The following VSTM5 variants were observed in gnomAD, a reference collection of about 807,000 sequenced individuals.
The protein encoded by VSTM5 is V-set and transmembrane domain containing 5, also known as V-set and transmembrane domain-containing protein 5.
A neutral mutation model predicts 20.3 loss-of-function variants in VSTM5; 21 were observed. The ratio of observed to expected loss-of-function variants is 1.03; its 90% CI spans 0.73 to 1.49. The LOEUF is 1.49. Among genes scored for constraint, VSTM5 ranks in the 40% most tolerant of loss-of-function variants. The pLI is 0.00. For synonymous variants in VSTM5, 100 were observed against 102.5 expected (o/e 0.98, Z 0.14); for missense variants, 219 against 250.0 (o/e 0.88, Z 0.84).
Position 93,818,532 on chromosome 11 carries a change from G to GT in VSTM5, c.*2036_*2037insA, listed in dbSNP as rs767390634. On this transcript the variant is annotated 3_prime_UTR_variant, in exon 4 of 4. Transcript: ENST00000409977. ...TGTGAATAAACTGTCATGAGATTTG[G>GT]GCGGGGGGGCAATTTAATTGACATC... 5 of 143,846 alleles carry GT rather than the reference G, an allele frequency of 3.5e-5. No homozygotes were observed. The highest frequency in any genetic ancestry group is 7.0e-5 in the Admixed American group (1 of 14,344). 8.9% of individuals were successfully genotyped at this position (143,846 alleles called of 1,614,324 possible). A position where few individuals can be genotyped will look rare whatever the true frequency, so the allele number is the denominator to read the frequency against.
chr11:93,844,816 C>A (rs547390783), intron 1 of VSTM5, among the ~76,000 whole-genome samples: 33 of 152,340 alleles, frequency 2.2e-4, no homozygotes, highest in African/African-American at 7.7e-4. Context: ...TTTTGACTTA[C>A]AATCCTTCAG....
chr11:93,850,169 G>A (rs914127078), intron 1 of VSTM5, among the ~76,000 whole-genome samples: 6 of 152,142 alleles, frequency 3.9e-5, no homozygotes, highest in African/African-American at 1.4e-4. Flanking sequence ...AGTGGGCCGG[G>A]GCGCCGCGGC....
At chr11:93,837,011 GCACACACACA>G (rs59949447) in intron 1 of VSTM5, among the ~76,000 whole-genome samples, 25 of 140,830 alleles carry the variant, frequency 1.8e-4, no homozygotes, top group African/African-American at 6.2e-4. Context: ...AAAAAAAAAT[GCACACACACA>G]CACACACACA....
chr11:93,850,547 C>T lies in VSTM5; in HGVS notation c.-45G>A. 1.4e-6 allele frequency: 2 copies of T among 1,450,322 alleles called. No individual in the cohort carries two copies. Among genetic ancestry groups the T allele is most frequent in the Non-Finnish European group, 1.9e-6 (2 of 1,066,844 alleles). 89.8% of individuals were successfully genotyped at this position (1,450,322 alleles called of 1,614,324 possible). ...CGGGCCGGGGTGTGTGCTGGCCGCA[C>T]CGCGCTGCAGCTCCTATGCAGCCTT... On this transcript the variant is annotated 5_prime_UTR_variant, in exon 1 of 4. It adds an upstream start codon to the 5' untranslated region. Coordinates refer to ENST00000409977, the MANE Select transcript of VSTM5 (RefSeq NM_001144871.2).
chr11:93,837,038 C>CACAT (rs1469168574), intron 1 of VSTM5, among the ~76,000 whole-genome samples: 1 of 151,082 alleles, frequency 6.6e-6, no homozygotes, highest in Non-Finnish European at 1.5e-5. Flanking sequence ...CACACACACA[C>CACAT]ACATATATTT....
In VSTM5 at chr11:93,849,068, G is replaced by A. The variant is rs140454802; in HGVS notation, c.91+1344C>T. On this transcript the variant is annotated intron_variant, in intron 1 of 3. Coordinates refer to ENST00000409977, the MANE Select transcript of VSTM5 (RefSeq NM_001144871.2). ...GCAGCTGGGTTCTAGCCAGAGAGGT[G>A]TAAAGGTCAAAAATGTTAGATCGTT... is the stretch of plus-strand genomic sequence containing the variant. Among the ~76,000 whole-genome samples, 660 of 151,974 alleles carry A rather than the reference G, an allele frequency of 4.3e-3. 4 individuals carry two copies. The highest frequency in any genetic ancestry group is 0.015 in the African/African-American group (612 of 41,250).
rs1374511590 is a variant in VSTM5 at position 93,824,314 on chromosome 11, T to A, written c.92-2991A>T. Among the ~76,000 whole-genome samples, 3 of 152,160 alleles carry A rather than the reference T, an allele frequency of 2.0e-5. No individual in the cohort carries two copies. In the East Asian group the frequency reaches 5.8e-4, roughly 29 times the overall value. ...TGTGCAAGGGTTCCCTTTCTCCATATCTTGACCAACATTTGTCACCTTGTC... is the reference window on the plus strand; with the variant it reads ...TGTGCAAGGGTTCCCTTTCTCCATAACTTGACCAACATTTGTCACCTTGTC... On this transcript the variant is annotated intron_variant, in intron 1 of 3. Coordinates refer to ENST00000409977, the MANE Select transcript of VSTM5 (RefSeq NM_001144871.2).
intron 1 of VSTM5, among the ~76,000 whole-genome samples, chr11:93,848,681 G>T (rs1033692224): frequency 6.6e-6 from 1 of 152,302 alleles, no homozygotes; most frequent in Non-Finnish European, 1.5e-5. Flanking sequence ...CCTCTTGTTT[G>T]CATGTCTGTC....
chr11:93,819,211 A>G lies in VSTM5; in HGVS notation c.*1358T>C, dbSNP rs1374347008. On this transcript the variant is annotated 3_prime_UTR_variant, in exon 4 of 4. Coordinates refer to ENST00000409977, the MANE Select transcript of VSTM5 (RefSeq NM_001144871.2). Reference sequence around the variant, plus strand: ...GACTTCTTAACCTTTGCATGGGTGAATTTGCAACTGAGGACTAGGAACACA... The same window carrying G: ...GACTTCTTAACCTTTGCATGGGTGAGTTTGCAACTGAGGACTAGGAACACA... 1.3e-5 allele frequency: 2 copies of G among 152,244 alleles called. No homozygotes were observed. Among genetic ancestry groups the G allele is most frequent in the Non-Finnish European group, 2.9e-5 (2 of 68,074 alleles). The allele number at this position is 152,244 out of a possible 1,614,324, so 9.4% of individuals were successfully genotyped here. A position where few individuals can be genotyped will look rare whatever the true frequency, so the allele number is the denominator to read the frequency against.
intron 1 of VSTM5, among the ~76,000 whole-genome samples, chr11:93,838,706 G>C (rs1230313236): frequency 6.6e-6 from 1 of 151,944 alleles, no homozygotes; most frequent in Non-Finnish European, 1.5e-5. Flanking sequence ...CTTAGATGGG[G>C]AGGATAACTT....
intron 1 of VSTM5, among the ~76,000 whole-genome samples, chr11:93,835,072 AG>A (rs1327450587): frequency 3.9e-5 from 6 of 152,144 alleles, no homozygotes; most frequent in East Asian, 3.9e-4. Flanking sequence ...ACCAGCAAAA[AG>A]GTCCTCACCA....
chr11:93,833,225 T>C (rs1944295930), intron 1 of VSTM5, among the ~76,000 whole-genome samples: 1 of 152,226 alleles, frequency 6.6e-6, no homozygotes, highest in Admixed American at 6.5e-5. Flanking sequence ...CAAATATATA[T>C]TCAAAGTCAA....
At chr11:93,825,726 C>G (rs1028382360) in intron 1 of VSTM5, among the ~76,000 whole-genome samples, 1 of 151,100 alleles carries the variant, frequency 6.6e-6, no homozygotes, top group African/African-American at 2.4e-5. Context: ...GTAAATGGGA[C>G]AGGTTTTTTT....
chr11:93,846,109 G>T (rs1275060260), intron 1 of VSTM5, among the ~76,000 whole-genome samples: 1 of 152,214 alleles, frequency 6.6e-6, no homozygotes, highest in Non-Finnish European at 1.5e-5. Context: ...TCCCACCTCG[G>T]CCTCCCGCGT....
At chr11:93,824,668 T>C (rs2135730525) in intron 1 of VSTM5, among the ~76,000 whole-genome samples, 1 of 152,340 alleles carries the variant, frequency 6.6e-6, no homozygotes, top group South Asian at 2.1e-4. Flanking sequence ...AGGTTTTTAG[T>C]TTGATGTTGT....
chr11:93,829,860 G>C (rs1944267559), intron 1 of VSTM5, among the ~76,000 whole-genome samples: 1 of 152,214 alleles, frequency 6.6e-6, no homozygotes, highest in South Asian at 2.1e-4. Flanking sequence ...TTTGCCCAAT[G>C]TCACGGTAAG....
At chr11:93,836,770 G>T (rs1335645536) in intron 1 of VSTM5, among the ~76,000 whole-genome samples, 2 of 152,136 alleles carry the variant, frequency 1.3e-5, no homozygotes, top group East Asian at 3.9e-4. Flanking sequence ...ATGAGGGCAG[G>T]AGTTGCCTAT....
intron 1 of VSTM5, among the ~76,000 whole-genome samples, chr11:93,847,105 T>G (rs111976335): frequency 0.027 from 4,151 of 152,262 alleles, 204 homozygotes; most frequent in African/African-American, 0.096. Context: ...AAACTCACTT[T>G]TTTTCCAGTG....
intron 1 of VSTM5, among the ~76,000 whole-genome samples, chr11:93,835,767 G>A (rs1241113043): frequency 6.6e-6 from 1 of 152,136 alleles, no homozygotes; most frequent in Non-Finnish European, 1.5e-5. Flanking sequence ...AATGCACACA[G>A]AATTGAGTCT....
Sources: gnomAD v4.1 joint callset for allele counts (sites outside exome capture counted in the v4.1 genomes callset) on GRCh38, gnomAD v4.1.1 for gene constraint, MANE v1.5 for transcripts, NCBI Gene and HGNC (gene_info 2026-07-23, HGNC 2026-07-21) for gene names.